The following PLCH1 variants were observed in gnomAD, a reference collection of about 807,000 sequenced individuals.
PLCH1 encodes 1-phosphatidylinositol 4,5-bisphosphate phosphodiesterase eta-1.
PLCH1 carries 60 observed loss-of-function variants against 126.7 expected under a neutral mutation model. The ratio of observed to expected loss-of-function variants is 0.47; its 90% CI spans 0.38 to 0.59. PLCH1 has a LOEUF of 0.59. Among genes scored for constraint, PLCH1 ranks in the 20% least tolerant of loss-of-function variants. PLCH1 has a pLI of 0.00. For missense variants in PLCH1, 1,723 were observed against 2,040.0 expected, an observed-to-expected ratio of 0.84 and a Z score of 2.99; for synonymous variants, 719 against 734.9, an observed-to-expected ratio of 0.98 and a Z score of 0.35.
intron 2 of PLCH1, among the ~76,000 whole-genome samples, chr3:155,693,693 G>A (rs1745583551): frequency 1.3e-5 from 2 of 152,266 alleles, no homozygotes; most frequent in African/African-American, 4.8e-5. Flanking sequence ...ACTTTGGGAG[G>A]CCAAGGAGGG....
intron 5 of PLCH1, among the ~76,000 whole-genome samples, chr3:155,584,852 C>A (rs928181672): frequency 1.3e-5 from 2 of 152,132 alleles, no homozygotes; most frequent in African/African-American, 2.4e-5. Flanking sequence ...TGTCCCCCCC[C>A]TTTAGGATTG....
At chr3:155,653,592 T>TA (rs1741032276) in intron 2 of PLCH1, among the ~76,000 whole-genome samples, 1 of 152,160 alleles carries the variant, frequency 6.6e-6, no homozygotes, top group Non-Finnish European at 1.5e-5. Context: ...TACCCTCACT[T>TA]TTCAAATAGG....
chr3:155,602,822 T>TAC (rs923358633), intron 2 of PLCH1, among the ~76,000 whole-genome samples: 23 of 152,218 alleles, frequency 1.5e-4, no homozygotes, highest in South Asian at 8.3e-4. Flanking sequence ...GAAAGCAATC[T>TAC]ACACACACAC....
intron 17 of PLCH1, among the ~76,000 whole-genome samples, chr3:155,493,142 A>C (rs937823190): frequency 2.0e-5 from 3 of 152,242 alleles, no homozygotes; most frequent in African/African-American, 7.2e-5. Context: ...CAATTATGTC[A>C]GATTCAAATA....
At chr3:155,469,135 G>A (rs919982493) in intron 21 of PLCH1, among the ~76,000 whole-genome samples, 4 of 152,174 alleles carry the variant, frequency 2.6e-5, no homozygotes, top group African/African-American at 7.2e-5. Context: ...CGCAGAAGAC[G>A]GGTGATTTCT....
At chr3:155,554,012 G>A (rs1472581671) in intron 9 of PLCH1, 64 bp downstream of exon 9, 12 of 1,532,498 alleles carry the variant, frequency 7.8e-6, no homozygotes, top group Non-Finnish European at 9.9e-6. Context: ...TTGTAGCTAC[G>A]TTACATCAGG....
intron 19 of PLCH1, among the ~76,000 whole-genome samples, chr3:155,489,090 G>A (rs1009607269): frequency 1.3e-5 from 2 of 152,160 alleles, no homozygotes; most frequent in African/African-American, 4.8e-5. Context: ...TATTCAGAAT[G>A]CTTCAATAAG....
At position 155,485,897 on chromosome 3, in the gene PLCH1, T is replaced by C. The variant is rs1370076404; in HGVS notation, c.2620-187A>G. On this transcript the variant is annotated intron_variant, in intron 21 of 22. Coordinates refer to ENST00000460012, the MANE Select transcript of PLCH1 (RefSeq NM_014996.4). ...AACTTCATGCACATCTTATCAACCT[T>C]ACTTTGCAAGGACTTCAGCCTTCCA... 1.8e-5 allele frequency: 11 copies of C among 601,602 alleles called. No homozygotes were observed. In the South Asian group the frequency reaches 2.3e-4, roughly 13 times the overall value. 37.3% of individuals were successfully genotyped at this position (601,602 alleles called of 1,614,324 possible).
At chr3:155,502,546 A>T (rs1718055296) in intron 13 of PLCH1, among the ~76,000 whole-genome samples, 2 of 152,244 alleles carry the variant, frequency 1.3e-5, no homozygotes, top group African/African-American at 4.8e-5. Flanking sequence ...TAGTAATTTG[A>T]GTTATACAGT....
intron 1 of PLCH1, among the ~76,000 whole-genome samples, chr3:155,705,842 A>C (rs1308213078): frequency 6.6e-6 from 1 of 152,216 alleles, no homozygotes; most frequent in Non-Finnish European, 1.5e-5. Context: ...AAGTCAAGCC[A>C]TAATAGCAAC....
intron 10 of PLCH1, among the ~76,000 whole-genome samples, chr3:155,535,471 T>C (rs1723228112): frequency 6.6e-6 from 1 of 152,172 alleles, no homozygotes; most frequent in Admixed American, 6.5e-5. Flanking sequence ...CTGGCCTTGC[T>C]GGCTGAGTGG....
chr3:155,629,245 C>G (rs954726853), intron 2 of PLCH1, among the ~76,000 whole-genome samples: 3 of 152,186 alleles, frequency 2.0e-5, no homozygotes, highest in African/African-American at 7.2e-5. Context: ...GGCAGATTCT[C>G]AGTTATCTGA....
intron 21 of PLCH1, chr3:155,486,018 G>A: frequency 1.5e-6 from 1 of 651,314 alleles, no homozygotes; most frequent in African/African-American, 1.8e-5. Flanking sequence ...AACTTCAGGC[G>A]CCTTAAAGCA....
Position 155,583,335 on chromosome 3 carries a change from TAGATA to T in PLCH1, c.771+132_771+136del, listed in dbSNP as rs1730950178. The T allele has an allele frequency of 4.7e-6, 3 of 640,288 alleles. No homozygotes were observed. The South Asian group carries it at 6.2e-5, about 13-fold the overall frequency. The allele number at this position is 640,288 out of a possible 1,614,324, so 39.7% of individuals were successfully genotyped here. On this transcript the variant is annotated intron_variant, in intron 6 of 22. Transcript: ENST00000460012. ...GCTAGAAACTGTTTTAAATGACTCATAGATAAGATTTTTGTGAACTAGTGATATTT... is the reference window on the plus strand; with the variant it reads ...GCTAGAAACTGTTTTAAATGACTCATAGATTTTTGTGAACTAGTGATATTT...
At chr3:155,552,643 C>G (rs1726298338) in intron 9 of PLCH1, among the ~76,000 whole-genome samples, 1 of 152,066 alleles carries the variant, frequency 6.6e-6, no homozygotes, top group Non-Finnish European at 1.5e-5. Flanking sequence ...AATCCTAAAT[C>G]TCTGTGGAAT....
intron 2 of PLCH1, among the ~76,000 whole-genome samples, chr3:155,617,881 G>A (rs1221508896): frequency 1.3e-5 from 2 of 152,046 alleles, no homozygotes; most frequent in African/African-American, 2.4e-5. Flanking sequence ...ACAAGCCCAG[G>A]AGCCCCAAGT....
Position 155,567,548 on chromosome 3 carries a change from G to T in PLCH1, c.865+683C>A, listed in dbSNP as rs16825098. ...CTTTGCATGCTCTTATAGGCAGCTGGTCTTTCATTAAAGATCATCTGCTCT... is the reference window on the plus strand; with the variant it reads ...CTTTGCATGCTCTTATAGGCAGCTGTTCTTTCATTAAAGATCATCTGCTCT... On this transcript the variant is annotated intron_variant, in intron 7 of 22. Coordinates refer to ENST00000460012, the MANE Select transcript of PLCH1 (RefSeq NM_014996.4). 8.6e-3 allele frequency among the ~76,000 whole-genome samples: 1,303 copies of T among 152,262 alleles called. 12 individuals are homozygous for T. Among genetic ancestry groups the T allele is most frequent in the African/African-American group, 0.03 (1,250 of 41,536 alleles).
chr3:155,542,502 A>G (rs1207897471), intron 10 of PLCH1, among the ~76,000 whole-genome samples: 2 of 152,134 alleles, frequency 1.3e-5, no homozygotes, highest in Admixed American at 1.3e-4. Flanking sequence ...GCAGACTTAA[A>G]TGTCCCCGTC....
Position 155,481,335 on chromosome 3 carries a change from CG to C in PLCH1, c.4690del (p.Arg1564GlyfsTer55). On this transcript the variant is annotated frameshift_variant, in exon 23 of 23. Transcript: ENST00000460012. LOFTEE classifies it low-confidence loss of function (END_TRUNC). This position sits in a 1 kb window ranked among gnomAD's most constrained non-coding sequence, Gnocchi z 4.2. ...GGATGACAACTTCCTGACCAGTGCC[CG>C]GGGGAGCTGATTGGCATCCTGCTTT... ...YSKQDANQLP[R>X]ALVRKLSSRS... 6.2e-7 allele frequency: 1 copy of C among 1,614,186 alleles called. No homozygotes were observed. Among genetic ancestry groups the C allele is most frequent in the Non-Finnish European group, 8.5e-7 (1 of 1,180,028 alleles).
Sources: gnomAD v4.1 joint callset for allele counts (sites outside exome capture counted in the v4.1 genomes callset) on GRCh38, gnomAD v4.1.1 for gene constraint, Gnocchi (gnomAD v3.1) non-coding constraint, MANE v1.5 for transcripts, NCBI Gene and HGNC (gene_info 2026-07-23, HGNC 2026-07-21) for gene names.